The following ESYT3 variants were observed in gnomAD, a reference collection of about 807,000 sequenced individuals.
ESYT3 encodes the protein extended synaptotagmin 3.
A neutral mutation model predicts 111.5 loss-of-function variants in ESYT3; 101 were observed. The ratio of observed to expected loss-of-function variants is 0.91; its 90% confidence interval spans 0.77 to 1.07. ESYT3 has a LOEUF of 1.07. ESYT3 is among the 50% of genes least tolerant of loss of function. The pLI, the probability that ESYT3 is intolerant of heterozygous loss-of-function variation, is 0.00. For missense variants in ESYT3, 1,097 were observed against 1,109.4 expected, an observed-to-expected ratio of 0.99 and a Z score of 0.16; for synonymous variants, 416 against 446.8, an observed-to-expected ratio of 0.93 and a Z score of 0.87.
chr3:138,474,162 C>T, intron 19 of ESYT3, 59 bp from the exon 20 acceptor site: 5 of 1,578,068 alleles, frequency 3.2e-6, no homozygotes, highest in Non-Finnish European at 2.6e-6. Flanking sequence ...CTCAAATGTT[C>T]AGTGTTTGAA....
In ESYT3 at chr3:138,440,283, T is replaced by C. The variant is rs1466303970; in HGVS notation, c.327+5158T>C. Among the ~76,000 whole-genome samples, 1 of 152,182 alleles carries C rather than the reference T, an allele frequency of 6.6e-6. No individual in the cohort carries two copies. The highest frequency in any genetic ancestry group is 1.9e-4 in the East Asian group (1 of 5,192). On this transcript the variant is annotated intron_variant, in intron 1 of 22. Transcript: ENST00000389567. The surrounding 1 kb of genome is among the most constrained non-coding windows in gnomAD (Gnocchi z 4.2). ...AGGCGCAGAGCAGTGGTCCCTGGGA[T>C]TGCTCCCTCCAAGCCTCCCTGCCAG...
intron 10 of ESYT3, among the ~76,000 whole-genome samples, chr3:138,465,730 G>A (rs2032895335): frequency 6.6e-6 from 1 of 152,196 alleles, no homozygotes. Flanking sequence ...TAGTAGACAA[G>A]GCTGGCATGG....
chr3:138,473,449 A>G (rs2033334073), intron 18 of ESYT3, 87 bp from the exon 19 acceptor site: 1 of 1,200,442 alleles, frequency 8.3e-7, no homozygotes, highest in Non-Finnish European at 1.2e-6. Flanking sequence ...ATACTCCTCA[A>G]GCAGGAATGC....
rs1190470413 is a variant in ESYT3 at position 138,469,425 on chromosome 3, A to G, written c.1435-11A>G. On this transcript the variant is annotated splice_polypyrimidine_tract_variant and intron_variant, in intron 14 of 22. Coordinates refer to ENST00000389567, the MANE Select transcript of ESYT3 (RefSeq NM_031913.5). The stretch of plus-strand genomic sequence containing the variant: ...TGCCACCTTCACTGTTATGGATTTG[A>G]TTCCTCACAGAACAAGGTCAGCAAA... The G allele has an allele frequency of 1.2e-6, 2 of 1,612,264 alleles. No individual in the cohort carries two copies. Among genetic ancestry groups the G allele is most frequent in the African/African-American group, 2.7e-5 (2 of 74,838 alleles).
Position 138,464,412 on chromosome 3 carries a change from G to A in ESYT3, c.983G>A (p.Arg328Gln), listed in dbSNP as rs773931080. 13 of 1,614,122 alleles carry A rather than the reference G, an allele frequency of 8.1e-6. No individual in the cohort carries two copies. Among genetic ancestry groups the A allele is most frequent in the African/African-American group, 2.7e-5 (2 of 75,042 alleles). Residue 328 changes from arginine (R) to glutamine (Q), a missense_variant, in exon 9 of 23, where the codon CGA becomes CAA. Coordinates refer to ENST00000389567, the MANE Select transcript of ESYT3 (RefSeq NM_031913.5). ...LAQKDNFLGLRGKSDPYAKVS... is the reference protein window; with the variant it reads ...LAQKDNFLGLQGKSDPYAKVS... Reference sequence around the variant, plus strand: ...CAGAAGGACAACTTTCTGGGGCTCCGAGGCAAGTCAGATCCCTACGCCAAG... The same window carrying A: ...CAGAAGGACAACTTTCTGGGGCTCCAAGGCAAGTCAGATCCCTACGCCAAG...
At chr3:138,465,108 AAACAGCCAC>A (rs1359132205) in intron 9 of ESYT3, among the ~76,000 whole-genome samples, 1 of 152,210 alleles carries the variant, frequency 6.6e-6, no homozygotes, top group East Asian at 1.9e-4. Flanking sequence ...CATGCAGAAC[AAACAGCCAC>A]TGTCCCCTGG....
At chr3:138,453,224 A>G (rs1372931819) in intron 2 of ESYT3, among the ~76,000 whole-genome samples, 1 of 152,178 alleles carries the variant, frequency 6.6e-6, no homozygotes, top group Non-Finnish European at 1.5e-5. Context: ...TAGCTGGTTC[A>G]TGCACCTCTG....
chr3:138,470,446 G>C, intron 16 of ESYT3: 1 of 1,113,608 alleles, frequency 9.0e-7, no homozygotes, highest in Non-Finnish European at 1.1e-6. Flanking sequence ...CATTAATAAT[G>C]GTGTACTTTA....
rs2033611881 is a variant in ESYT3, at chr3:138,479,082, CA to C, written c.*2233del. 6.6e-6 allele frequency: 1 copy of C among 151,582 alleles called. No individual in the cohort carries two copies. The highest frequency in any genetic ancestry group is 2.4e-5 in the African/African-American group (1 of 41,074). 9.4% of individuals were successfully genotyped at this position (151,582 alleles called of 1,614,324 possible). A position where few individuals can be genotyped will look rare whatever the true frequency, so the allele number is the denominator to read the frequency against. ...GGCAAAAATAAATTATGAAACAAAA[CA>C]AAAACAGACTTTAAAAAAAATACAA... is the stretch of plus-strand genomic sequence containing the variant. On this transcript the variant is annotated 3_prime_UTR_variant, in exon 23 of 23. Transcript: ENST00000389567.
At chr3:138,441,920 C>T (rs751980839) in intron 1 of ESYT3, among the ~76,000 whole-genome samples, 1 of 151,972 alleles carries the variant, frequency 6.6e-6, no homozygotes, top group Non-Finnish European at 1.5e-5. Context: ...GTCCCATAAG[C>T]CCTATCTCTG....
In ESYT3 at chr3:138,462,139, C is replaced by T. The variant is rs750281464; in HGVS notation, c.848C>T (p.Pro283Leu). 12 of 1,614,166 alleles carry T rather than the reference C, an allele frequency of 7.4e-6. No individual in the cohort carries two copies. The South Asian group carries it at 1.3e-4, about 18-fold the overall frequency. ...CTCATTGCCACCCACCTGGTGCTGC[C>T]CAACCGTGTGACTGTGCCTGTGAAG... is the stretch of plus-strand genomic sequence containing the variant. ...EDLIATHLVL[P>L]NRVTVPVKKG... Residue 283 changes from proline (P) to leucine (L), a missense_variant, in exon 8 of 23, where the codon CCC becomes CTC. By Grantham distance (98) the Pro-to-Leu change is moderately conservative (BLOSUM62 -3). Transcript: ENST00000389567.
Position 138,476,846 on chromosome 3 carries a change from A to C in ESYT3, c.2653A>C (p.Arg885=), listed in dbSNP as rs1281734388. 2.5e-6 allele frequency: 4 copies of C among 1,613,864 alleles called. No homozygotes were observed. The highest frequency in any genetic ancestry group is 1.7e-5 in the Admixed American group (1 of 59,998). ...WYELTPNGQP[R]S ...TGAGCTGACTCCAAATGGACAGCCC[A>C]GAAGCTGATGATGAGAATTCTTATC... Residue 885 remains arginine, a synonymous_variant, in exon 23 of 23, where the codon AGA becomes CGA. Transcript: ENST00000389567.
downstream of ESYT3, chr3:138,480,557 G>A (rs527956718): frequency 1.3e-5 from 2 of 152,252 alleles, no homozygotes; most frequent in African/African-American, 4.8e-5. Context: ...AAAAACTGTA[G>A]TTCTGTTCCC....
At chr3:138,472,913 C>T (rs540589529) in intron 18 of ESYT3, 54 bp downstream of exon 18, 22 of 1,554,018 alleles carry the variant, frequency 1.4e-5, no homozygotes, top group South Asian at 8.7e-5. Flanking sequence ...AAAAATACCT[C>T]GCTGGATGGA....
intron 1 of ESYT3, among the ~76,000 whole-genome samples, chr3:138,444,358 T>C (rs1343777577): frequency 6.6e-6 from 1 of 152,208 alleles, no homozygotes; most frequent in Non-Finnish European, 1.5e-5. Context: ...TCCTGGTGAC[T>C]TGACCATGTG....
At chr3:138,474,417 T>G in intron 20 of ESYT3, 65 bp downstream of exon 20, 1 of 1,513,848 alleles carries the variant, frequency 6.6e-7, no homozygotes, top group Non-Finnish European at 8.8e-7. Context: ...GTACCTGTTA[T>G]GTTGCCTGGC....
intron 22 of ESYT3, 60 bp downstream of exon 22, chr3:138,476,552 T>A (rs1184370093): frequency 6.5e-7 from 1 of 1,543,438 alleles, no homozygotes; most frequent in Non-Finnish European, 8.9e-7. Context: ...TTTTCCCTTT[T>A]CAGTACTGTT....
At chr3:138,459,151 C>CT (rs774820681) in intron 4 of ESYT3, 36 bp from the exon 5 acceptor site, 1 of 1,474,360 alleles carries the variant, frequency 6.8e-7, no homozygotes, top group East Asian at 2.5e-5. Flanking sequence ...GGACCTACCC[C>CT]TCCTCCCCAC....
At chr3:138,442,662 C>G (rs780663786) in intron 1 of ESYT3, among the ~76,000 whole-genome samples, 3 of 152,210 alleles carry the variant, frequency 2.0e-5, no homozygotes, top group African/African-American at 7.2e-5. Flanking sequence ...CTAACTTTTC[C>G]TCCAGGCTGA....
Sources: allele counts gnomAD v4.1 joint callset (sites outside exome capture counted in the v4.1 genomes callset), GRCh38; gene constraint gnomAD v4.1.1; non-coding constraint Gnocchi (gnomAD v3.1); transcripts MANE v1.5; gene names NCBI Gene and HGNC (gene_info 2026-07-23, HGNC 2026-07-21).